PPP1R13B: variants seen among roughly 807,000 people sequenced by gnomAD.
PPP1R13B encodes the protein apoptosis-stimulating of p53 protein 1.
In PPP1R13B, 44 loss-of-function variants were observed where a neutral mutation model predicts 119.8. The observed-to-expected ratio is 0.37, with a 90% CI of 0.29 to 0.47. PPP1R13B has a LOEUF of 0.47. PPP1R13B is among the 20% of genes least tolerant of loss of function. The pLI, the probability that PPP1R13B is intolerant of heterozygous loss-of-function variation, is 0.99. For missense variants in PPP1R13B, 1,227 were observed against 1,413.5 expected, an observed-to-expected ratio of 0.87 and a Z score of 2.12; for synonymous variants, 542 against 561.5, an observed-to-expected ratio of 0.97 and a Z score of 0.49.
intron 4 of PPP1R13B, among the ~76,000 whole-genome samples, chr14:103,768,076 T>C (rs1410844259): frequency 2.6e-5 from 4 of 151,560 alleles, no homozygotes; most frequent in Admixed American, 1.3e-4. Flanking sequence ...TTAAAAATAA[T>C]AGAGAAATTC....
intron 1 of PPP1R13B, 69 bp downstream of exon 1, chr14:103,847,230 G>C: frequency 9.1e-7 from 1 of 1,094,132 alleles, no homozygotes; most frequent in Admixed American, 5.1e-5. Flanking sequence ...TGGGAGCCGC[G>C]GGAGGAAGGA....
intron 1 of PPP1R13B, among the ~76,000 whole-genome samples, chr14:103,823,720 T>G (rs756854601): frequency 5.3e-5 from 8 of 152,184 alleles, no homozygotes; most frequent in Non-Finnish European, 1.0e-4. Flanking sequence ...ACATTTACTA[T>G]ATGCTGGACT....
At chr14:103,754,008 C>CT (rs2084613921) in intron 6 of PPP1R13B, 62 bp downstream of exon 6, 2 of 1,548,602 alleles carry the variant, frequency 1.3e-6, no homozygotes, top group Non-Finnish European at 1.8e-6. Context: ...GGCAGTTAGA[C>CT]TATGTTTCAC....
chr14:103,848,233 G>T, upstream of PPP1R13B: 1 of 984,598 alleles, frequency 1.0e-6, no homozygotes, highest in Non-Finnish European at 1.2e-6. Flanking sequence ...GCGATCTCCC[G>T]CCTAGAACCC....
At chr14:103,747,232 T>A (rs2084408041) in intron 8 of PPP1R13B, 3 of 152,210 alleles carry the variant, frequency 2.0e-5, no homozygotes, top group Admixed American at 1.3e-4. Context: ...ATAGGATCCA[T>A]AACCCCTGTG....
rs368432644 is a variant in PPP1R13B at position 103,746,458 on chromosome 14, G to A, written c.1065C>T (p.Ala355=). ...GGTCCCCCAGCACAGGAAAGCTTCC[G>A]GCACTGGGAACCTGGATATAAGGCC... is the stretch of plus-strand genomic sequence containing the variant. ...AVGPYIQVPS[A]GSFPVLGDPI... is the part of the protein sequence containing the mutation. The change falls in exon 9 of 17, where the codon GCC becomes GCT. Residue 355 remains alanine, a synonymous_variant. Coordinates refer to ENST00000202556, the MANE Select transcript of PPP1R13B (RefSeq NM_015316.3). The A allele has an allele frequency of 4.6e-5, 75 of 1,614,130 alleles. No homozygotes were observed. In the African/African-American group the frequency reaches 8.3e-4, roughly 18 times the overall value.
intron 1 of PPP1R13B, among the ~76,000 whole-genome samples, chr14:103,843,178 C>G (rs1236160711): frequency 4.6e-5 from 7 of 151,640 alleles, no homozygotes; most frequent in Non-Finnish European, 1.0e-4. Context: ...TCGAGACCAG[C>G]CTGGCCAACA....
chr14:103,825,078 T>C (rs990936711), intron 1 of PPP1R13B, among the ~76,000 whole-genome samples: 4 of 152,204 alleles, frequency 2.6e-5, no homozygotes, highest in African/African-American at 7.2e-5. Flanking sequence ...ATTATTATTA[T>C]ATTTCCTATG....
At chr14:103,739,789 G>C in intron 12 of PPP1R13B, 35 bp downstream of exon 12, 1 of 1,553,950 alleles carries the variant, frequency 6.4e-7, no homozygotes, top group Non-Finnish European at 8.7e-7. Flanking sequence ...TGAATGACCA[G>C]GAAGGCCAGG....
chr14:103,788,563 T>A (rs746535463), intron 2 of PPP1R13B, among the ~76,000 whole-genome samples: 33 of 152,078 alleles, frequency 2.2e-4, no homozygotes, highest in African/African-American at 2.9e-4. Context: ...ACAGTGCACA[T>A]CTGTAATTGC....
chr14:103,748,103 ACACACACACAC>A (rs2084437453), intron 8 of PPP1R13B, among the ~76,000 whole-genome samples: 1 of 133,582 alleles, frequency 7.5e-6, no homozygotes, highest in Non-Finnish European at 1.5e-5. Flanking sequence ...ACACACACAC[ACACACACACAC>A]GTGCACGCGC....
In PPP1R13B at chr14:103,797,532, G is replaced by T. The variant is rs374139422; in HGVS notation, c.10-14C>A. The T allele has an allele frequency of 6.9e-6, 11 of 1,602,196 alleles. No individual in the cohort carries two copies. The highest frequency in any genetic ancestry group is 7.7e-6 in the Non-Finnish European group (9 of 1,172,530). On this transcript the variant is annotated splice_polypyrimidine_tract_variant and intron_variant, in intron 1 of 16. Transcript: ENST00000202556. ...AGTTAATATCATCTGTAAGACAAAA[G>T]AGTAAAGCTGTAATTTAGATTCCTT...
intron 3 of PPP1R13B, among the ~76,000 whole-genome samples, chr14:103,780,860 G>C (rs1311248347): frequency 2.0e-5 from 3 of 151,748 alleles, no homozygotes; most frequent in African/African-American, 7.3e-5. Flanking sequence ...GTAAGTTGAA[G>C]GGAGAAGTTT....
intron 1 of PPP1R13B, among the ~76,000 whole-genome samples, chr14:103,803,591 C>T (rs2085950877): frequency 6.6e-6 from 1 of 151,896 alleles, no homozygotes; most frequent in Non-Finnish European, 1.5e-5. Context: ...TGCAGGGAGC[C>T]GAGATAGCAC....
At chr14:103,790,222 G>T (rs980427732) in intron 2 of PPP1R13B, among the ~76,000 whole-genome samples, 3 of 145,020 alleles carry the variant, frequency 2.1e-5, no homozygotes, top group African/African-American at 7.7e-5. Flanking sequence ...CTCCAGCCTG[G>T]GATACAGAGT....
At chr14:103,829,904 A>G (rs1471752442) in intron 1 of PPP1R13B, among the ~76,000 whole-genome samples, 1 of 151,522 alleles carries the variant, frequency 6.6e-6, no homozygotes, top group Non-Finnish European at 1.5e-5. Flanking sequence ...TCAGCCTCCC[A>G]AGTAGCTGGG....
rs1208642821 is a variant in PPP1R13B, at chr14:103,796,362, A to C, written c.157+1009T>G. Among the ~76,000 whole-genome samples the C allele has an allele frequency of 3.3e-5, 5 of 152,200 alleles. No individual in the cohort carries two copies. The East Asian group carries it at 9.6e-4, about 29-fold the overall frequency. ...GAAGATATAAAAATGGCCAATATAC[A>C]CATGAAAAGATTTTCACCATCATTA... is the stretch of plus-strand genomic sequence containing the variant. On this transcript the variant is annotated intron_variant, in intron 2 of 16. Transcript: ENST00000202556.
rs1192090906 is a variant in PPP1R13B at position 103,826,852 on chromosome 14, C to CA, written c.9+20446dup. Among the ~76,000 whole-genome samples the CA allele has an allele frequency of 4.0e-3, 581 of 145,918 alleles. 5 individuals carry two copies. Among genetic ancestry groups the CA allele is most frequent in the African/African-American group, 0.013 (532 of 39,830 alleles). On this transcript the variant is annotated intron_variant, in intron 1 of 16. Transcript: ENST00000202556. ...TGAAACCCTGTCTCTACTAAAAATA[C>CA]AAAAAAAAAATTAGCTGGGCGTGGT... is the stretch of plus-strand genomic sequence containing the variant.
Position 103,824,557 on chromosome 14 carries a change from G to A in PPP1R13B, c.9+22742C>T, listed in dbSNP as rs192177380. Among the ~76,000 whole-genome samples, 9 of 151,660 alleles carry A rather than the reference G, an allele frequency of 5.9e-5. No individual in the cohort carries two copies. In the East Asian group the frequency reaches 1.4e-3, roughly 23 times the overall value. Reference sequence around the variant, plus strand: ...AAAAAAGTACAAAAATTAGCTGGACGTGGTGGCGCACACCTGTAGTCCCAG... The same window carrying A: ...AAAAAAGTACAAAAATTAGCTGGACATGGTGGCGCACACCTGTAGTCCCAG... On this transcript the variant is annotated intron_variant, in intron 1 of 16. Transcript: ENST00000202556.
Sources: gnomAD v4.1 joint callset for allele counts (sites outside exome capture counted in the v4.1 genomes callset) on GRCh38, gnomAD v4.1.1 for gene constraint, MANE v1.5 for transcripts, NCBI Gene and HGNC (gene_info 2026-07-23, HGNC 2026-07-21) for gene names.